The following RNF8 variants were observed in gnomAD, a reference collection of about 807,000 sequenced individuals.
RNF8 encodes ring finger protein 8.
A neutral mutation model predicts 59.3 loss-of-function variants in RNF8; 8 were observed. The observed-to-expected ratio is 0.13, with a 90% confidence interval of 0.08 to 0.24. The LOEUF is 0.24. Among genes scored for constraint, RNF8 ranks in the 10% least tolerant of loss-of-function variants. The pLI, the probability that RNF8 is intolerant of heterozygous loss-of-function variation, is 1.00. For synonymous variants in RNF8, 162 were observed against 200.0 expected, an observed-to-expected ratio of 0.81 and a Z score of 1.60; for missense variants, 406 against 572.6, an observed-to-expected ratio of 0.71 and a Z score of 2.97.
At chr6:37,369,893 T>C (rs1769731965) in intron 3 of RNF8, 1 of 152,374 alleles carries the variant, frequency 6.6e-6, no homozygotes, top group Non-Finnish European at 1.5e-5. Context: ...ATGACTGTCT[T>C]AGCTGTATAA....
At chr6:37,373,296 G>T (rs1252370764) in intron 4 of RNF8, among the ~76,000 whole-genome samples, 1 of 152,146 alleles carries the variant, frequency 6.6e-6, no homozygotes, top group Non-Finnish European at 1.5e-5. Flanking sequence ...GAGTGGAAAA[G>T]AAAATAAAAA....
chr6:37,364,232 A>G (rs1471055164), intron 2 of RNF8, among the ~76,000 whole-genome samples: 1 of 148,278 alleles, frequency 6.7e-6, no homozygotes, highest in Admixed American at 6.6e-5. Flanking sequence ...AAAAGAATAC[A>G]TATTATATGA....
chr6:37,393,463 CT>C lies in RNF8; in HGVS notation c.*2706del, dbSNP rs1284017226. On this transcript the variant is annotated 3_prime_UTR_variant, in exon 8 of 8. Coordinates refer to ENST00000373479, the MANE Select transcript of RNF8 (RefSeq NM_003958.4). ...GCCTAGAAAATACACGGTAACTTTT[CT>C]GCCTTGCAGCATCAAACTATAGTAC... The C allele has an allele frequency of 7.9e-5, 12 of 152,220 alleles. No homozygotes were observed. Among genetic ancestry groups the C allele is most frequent in the African/African-American group, 2.7e-4 (11 of 41,450 alleles). 9.4% of individuals were successfully genotyped at this position (152,220 alleles called of 1,614,324 possible).
intron 7 of RNF8, among the ~76,000 whole-genome samples, chr6:37,389,442 A>G (rs1343409381): frequency 6.6e-6 from 1 of 152,030 alleles, no homozygotes; most frequent in Non-Finnish European, 1.5e-5. Context: ...GGGGAGGACC[A>G]CCACCAAAAG....
intron 1 of RNF8, among the ~76,000 whole-genome samples, chr6:37,358,987 C>T (rs1042130579): frequency 4.6e-5 from 7 of 151,888 alleles, no homozygotes; most frequent in East Asian, 1.9e-4. Flanking sequence ...ATCCCAGCTA[C>T]GTGGAAGCTG....
rs1300570200 is a variant in RNF8 at position 37,392,276 on chromosome 6, G to T, written c.*1518G>T. The T allele has an allele frequency of 7.6e-6, 3 of 395,652 alleles. No homozygotes were observed. The highest frequency in any genetic ancestry group is 2.1e-5 in the African/African-American group (1 of 48,572). The allele number at this position is 395,652 out of a possible 1,614,324, so 24.5% of individuals were successfully genotyped here. On this transcript the variant is annotated 3_prime_UTR_variant, in exon 8 of 8. Coordinates refer to ENST00000373479, the MANE Select transcript of RNF8 (RefSeq NM_003958.4). ...TCCCCATACATGTGTTTTGTTTATA[G>T]ATTGCATGGGTATATGTCAATTTTT...
chr6:37,385,679 G>A (rs1770464743), intron 7 of RNF8, among the ~76,000 whole-genome samples: 1 of 152,056 alleles, frequency 6.6e-6, no homozygotes, highest in South Asian at 2.1e-4. Flanking sequence ...ATTGTAATGG[G>A]ATAGAACAAA....
chr6:37,374,584 G>A, intron 4 of RNF8, 36 bp from the exon 5 acceptor site: 1 of 1,490,778 alleles, frequency 6.7e-7, no homozygotes, highest in Non-Finnish European at 9.4e-7. Context: ...ATGCATTGTA[G>A]TTCATCCTGA....
At chr6:37,386,061 C>T (rs761242797) in intron 7 of RNF8, among the ~76,000 whole-genome samples, 1 of 151,986 alleles carries the variant, frequency 6.6e-6, no homozygotes, top group Non-Finnish European at 1.5e-5. Flanking sequence ...ATCTTGAACT[C>T]CTGAGCTCGA....
chr6:37,390,010 G>C (rs1770661840), intron 7 of RNF8, among the ~76,000 whole-genome samples: 1 of 152,244 alleles, frequency 6.6e-6, no homozygotes, highest in Non-Finnish European at 1.5e-5. Flanking sequence ...CATAGGCCAG[G>C]ATTCCCACAA....
chr6:37,390,622 T>C (rs531487568), intron 7 of RNF8, 120 bp from the exon 8 acceptor site: 5 of 685,404 alleles, frequency 7.3e-6, no homozygotes, highest in Non-Finnish European at 1.3e-5. Context: ...ACTTCTGTTT[T>C]CTCAGTTCGC....
intron 7 of RNF8, among the ~76,000 whole-genome samples, chr6:37,382,933 A>G (rs1770335073): frequency 6.6e-6 from 1 of 151,252 alleles, no homozygotes; most frequent in South Asian, 2.1e-4. Flanking sequence ...AGATCGCACC[A>G]CTGCACTCCA....
At chr6:37,357,286 C>T (rs1465317897) in intron 1 of RNF8, among the ~76,000 whole-genome samples, 10 of 152,170 alleles carry the variant, frequency 6.6e-5, no homozygotes, top group Non-Finnish European at 2.9e-5. Flanking sequence ...TCTTTAACTA[C>T]AGTATAGGTG....
chr6:37,376,853 TG>T (rs1424460402), intron 5 of RNF8, 72 bp from the exon 6 acceptor site: 7 of 881,000 alleles, frequency 7.9e-6, no homozygotes, highest in Non-Finnish European at 1.4e-5. Flanking sequence ...TCTAAATAAT[TG>T]ACCCTGCTCC....
chr6:37,369,289 G>C, intron 3 of RNF8, 71 bp downstream of exon 3: 2 of 1,470,328 alleles, frequency 1.4e-6, no homozygotes, highest in Non-Finnish European at 1.8e-6. Flanking sequence ...TCTCTGGCCA[G>C]AGTTCTCAGT....
At position 37,392,778 on chromosome 6, in the gene RNF8, A is replaced by G. The variant is rs140351039; in HGVS notation, c.*2020A>G. The G allele has an allele frequency of 5.7e-4, 227 of 398,124 alleles. No homozygotes were observed. The highest frequency in any genetic ancestry group is 4.3e-3 in the African/African-American group (208 of 48,756). 24.7% of individuals were successfully genotyped at this position (398,124 alleles called of 1,614,324 possible). A position where few individuals can be genotyped will look rare whatever the true frequency, so the allele number is the denominator to read the frequency against. On this transcript the variant is annotated 3_prime_UTR_variant, in exon 8 of 8. Coordinates refer to ENST00000373479, the MANE Select transcript of RNF8 (RefSeq NM_003958.4). ...AATGCTGCAGTTAACACCCTTGTAC[A>G]TATATCTTTAGAGAGAAGATATTTT...
intron 2 of RNF8, among the ~76,000 whole-genome samples, chr6:37,361,952 T>C (rs1464529582): frequency 2.0e-5 from 3 of 152,334 alleles, no homozygotes; most frequent in Admixed American, 6.5e-5. Context: ...GCCTTCTCTA[T>C]AATGAGCCAG....
intron 6 of RNF8, among the ~76,000 whole-genome samples, chr6:37,377,524 G>C (rs1414590942): frequency 6.6e-6 from 1 of 152,086 alleles, no homozygotes; most frequent in African/African-American, 2.4e-5. Flanking sequence ...CCTCTTATTT[G>C]TTTTTATAAT....
In RNF8 at chr6:37,361,552, C is replaced by T. The variant is rs558226022; in HGVS notation, c.240+978C>T. ...CCGAGGAATGTGATGAAAATACAGA[C>T]TATGAGGTGAGAGAAATTCTAACAT... On this transcript the variant is annotated intron_variant, in intron 2 of 7. Transcript: ENST00000373479. The T allele has an allele frequency of 1.5e-5, 5 of 344,706 alleles. No homozygotes were observed. In the East Asian group the frequency reaches 4.1e-4, roughly 28 times the overall value. 21.4% of individuals were successfully genotyped at this position (344,706 alleles called of 1,614,324 possible). A position where few individuals can be genotyped will look rare whatever the true frequency, so the allele number is the denominator to read the frequency against.
Sources: allele counts gnomAD v4.1 joint callset (sites outside exome capture counted in the v4.1 genomes callset), GRCh38; gene constraint gnomAD v4.1.1; transcripts MANE v1.5; gene names NCBI Gene and HGNC (gene_info 2026-07-23, HGNC 2026-07-21).